ZNF777: variants seen among roughly 807,000 people sequenced by gnomAD.
ZNF777 encodes zinc finger protein 777.
A neutral mutation model predicts 72.1 loss-of-function variants in ZNF777; 7 were observed. The ratio of observed to expected loss-of-function variants is 0.10; its 90% CI spans 0.06 to 0.18. ZNF777 has a LOEUF of 0.18. Among genes scored for constraint, ZNF777 ranks in the 10% least tolerant of loss-of-function variants. The probability of loss-of-function intolerance (pLI) is 1.00; values close to 1 mark genes in which losing one functional copy is unlikely to be tolerated. For missense variants in ZNF777, 828 were observed against 1,128.6 expected, an observed-to-expected ratio of 0.73 and a Z score of 3.82; for synonymous variants, 545 against 483.5, an observed-to-expected ratio of 1.13 and a Z score of -1.67.
intron 5 of ZNF777, among the ~76,000 whole-genome samples, chr7:149,435,791 G>T (rs1378313349): frequency 1.3e-5 from 2 of 152,008 alleles, no homozygotes; most frequent in African/African-American, 4.8e-5. Context: ...AGCAAAAGCT[G>T]CCCAGTTCAT....
intron 1 of ZNF777, chr7:149,459,802 C>G (rs1267316576): frequency 2.4e-5 from 24 of 984,878 alleles, no homozygotes; most frequent in South Asian, 4.7e-5. Context: ...GAAAACGTGC[C>G]GGCGGCTACC....
chr7:149,455,901 T>C lies in ZNF777; in HGVS notation c.122A>G (p.Lys41Arg), dbSNP rs760326138. 4 of 1,612,636 alleles carry C rather than the reference T, an allele frequency of 2.5e-6. No homozygotes were observed. Among genetic ancestry groups the C allele is most frequent in the Middle Eastern group, 3.3e-4 (2 of 6,060 alleles). The change falls in exon 2 of 6, where the codon AAA becomes AGA. Residue 41 changes from lysine (K) to arginine (R), a missense_variant. Physicochemically the swap from Lys to Arg is conservative, Grantham distance 26. Transcript: ENST00000247930. This position sits in a 1 kb window ranked among gnomAD's most constrained non-coding sequence, Gnocchi z 4.2. ...GGTGGGAGACAAAGAAGGAATTTCTTTGGGAGGAAGAACGCGGGATTGGAA... is the reference window on the plus strand; with the variant it reads ...GGTGGGAGACAAAGAAGGAATTTCTCTGGGAGGAAGAACGCGGGATTGGAA... ...TLFQSRVLPP[K>R]EIPSLSPTIP...
chr7:149,453,640 G>C (rs1225826252), intron 3 of ZNF777, among the ~76,000 whole-genome samples: 1 of 152,180 alleles, frequency 6.6e-6, no homozygotes, highest in Non-Finnish European at 1.5e-5. Context: ...ACAGGAGTGT[G>C]AACACCTGTC....
intron 1 of ZNF777, among the ~76,000 whole-genome samples, chr7:149,456,485 G>A (rs560517318): frequency 5.3e-5 from 8 of 152,310 alleles, no homozygotes. Context: ...CACACTACCT[G>A]AGTTGTTGAA....
chr7:149,440,922 G>T (rs953685087), intron 4 of ZNF777, among the ~76,000 whole-genome samples: 2 of 151,960 alleles, frequency 1.3e-5, no homozygotes, highest in Non-Finnish European at 2.9e-5. Context: ...GACCCAACTC[G>T]GGTGTCCACC....
intron 4 of ZNF777, among the ~76,000 whole-genome samples, chr7:149,447,134 A>G (rs1416354667): frequency 6.6e-6 from 1 of 152,196 alleles, no homozygotes; most frequent in East Asian, 1.9e-4. Flanking sequence ...AAGCTAAAAA[A>G]TACTAACATC....
At position 149,432,321 on chromosome 7, in the gene ZNF777, G is replaced by A. The variant is rs1210985666; in HGVS notation, c.1951C>T (p.Leu651=). The A allele has an allele frequency of 1.9e-6, 3 of 1,610,342 alleles. No individual in the cohort carries two copies. The highest frequency in any genetic ancestry group is 2.5e-6 in the Non-Finnish European group (3 of 1,179,046). ...CDSSFSHKSS[L]TKHQITHTGE... is the part of the protein sequence containing the mutation. Reference sequence around the variant, plus strand: ...GTGTGCGTGATCTGGTGTTTGGTCAGGCTGGACTTGTGGCTGAAGCTGCTG... The same window carrying A: ...GTGTGCGTGATCTGGTGTTTGGTCAAGCTGGACTTGTGGCTGAAGCTGCTG... The change falls in exon 6 of 6, where the codon CTG becomes TTG. Residue 651 remains leucine (L), a synonymous_variant. Coordinates refer to ENST00000247930, the MANE Select transcript of ZNF777 (RefSeq NM_015694.3).
At chr7:149,441,532 A>G (rs1178304029) in intron 4 of ZNF777, among the ~76,000 whole-genome samples, 2 of 152,186 alleles carry the variant, frequency 1.3e-5, no homozygotes, top group Non-Finnish European at 2.9e-5. Context: ...TCAACTATAA[A>G]TTTTGCTATA....
chr7:149,437,212 A>G (rs1011632920), intron 4 of ZNF777, among the ~76,000 whole-genome samples: 11 of 152,160 alleles, frequency 7.2e-5, no homozygotes, highest in Admixed American at 3.3e-4. Flanking sequence ...CTGGGCTTAC[A>G]TGATCCTCCC....
chr7:149,453,897 G>C (rs1799772410), intron 3 of ZNF777, among the ~76,000 whole-genome samples: 1 of 152,250 alleles, frequency 6.6e-6, no homozygotes, highest in African/African-American at 2.4e-5. Context: ...GCTTCTCTGA[G>C]AGTGGGGTCT....
Position 149,436,565 on chromosome 7 carries a change from C to T in ZNF777, c.1339+10G>A. ...CAACCCTTCCCCGGCCGTCCCCGCC[C>T]AGCACTCACCCGTGCAGTTCCTCTG... is the stretch of plus-strand genomic sequence containing the variant. On this transcript the variant is annotated intron_variant, in intron 5 of 5. Coordinates refer to ENST00000247930, the MANE Select transcript of ZNF777 (RefSeq NM_015694.3). This position sits in a 1 kb window ranked among gnomAD's most constrained non-coding sequence, Gnocchi z 5.0. 2 of 1,587,224 alleles carry T rather than the reference C, an allele frequency of 1.3e-6. No individual in the cohort carries two copies. The highest frequency in any genetic ancestry group is 1.7e-6 in the Non-Finnish European group (2 of 1,164,180).
intron 4 of ZNF777, among the ~76,000 whole-genome samples, chr7:149,442,618 T>TAA (rs552079135): frequency 2.4e-5 from 3 of 125,944 alleles, no homozygotes; most frequent in African/African-American, 3.0e-5. Flanking sequence ...AGACTCTGTC[T>TAA]AAAAAAAAAA....
Position 149,431,453 on chromosome 7 carries a change from C to T in ZNF777, c.*323G>A, listed in dbSNP as rs1184578130. The T allele has an allele frequency of 4.5e-6, 2 of 444,460 alleles. No homozygotes were observed. Among genetic ancestry groups the T allele is most frequent in the Non-Finnish European group, 9.0e-6 (2 of 221,810 alleles). 27.5% of individuals were successfully genotyped at this position (444,460 alleles called of 1,614,324 possible). A position where few individuals can be genotyped will look rare whatever the true frequency, so the allele number is the denominator to read the frequency against. On this transcript the variant is annotated 3_prime_UTR_variant, in exon 6 of 6. Transcript: ENST00000247930. ...TCTATCCCCAACTAGATGGGCCCTA[C>T]ACCGCCCCTCTGAGTGGCCGGCGGC...
At chr7:149,442,471 T>C (rs916241175) in intron 4 of ZNF777, among the ~76,000 whole-genome samples, 1 of 150,214 alleles carries the variant, frequency 6.7e-6, no homozygotes, top group African/African-American at 2.5e-5. Context: ...TACAAAAAAA[T>C]TAGCCATGCA....
chr7:149,444,031 T>G (rs1421895719), intron 4 of ZNF777, among the ~76,000 whole-genome samples: 2 of 152,228 alleles, frequency 1.3e-5, no homozygotes, highest in African/African-American at 4.8e-5. Flanking sequence ...ATATTGCTAC[T>G]CCTTGAGTTT....
At chr7:149,447,517 G>A (rs1230704371) in intron 4 of ZNF777, among the ~76,000 whole-genome samples, 1 of 152,142 alleles carries the variant, frequency 6.6e-6, no homozygotes, top group Non-Finnish European at 1.5e-5. Context: ...CACCTCCCCA[G>A]CCCTCCTATT....
rs1465366746 is a variant in ZNF777 at position 149,455,711 on chromosome 7, C to T, written c.312G>A (p.Gln104=). The part of the protein sequence containing the change: ...QGPLASQEGT[Q]YPPPAAAEQE... ...GTTCAGCAGCAGCTGGGGGTGGATACTGGGTCCCTTCCTGGGAAGCCAGGG... is the reference window on the plus strand; with the variant it reads ...GTTCAGCAGCAGCTGGGGGTGGATATTGGGTCCCTTCCTGGGAAGCCAGGG... The change falls in exon 2 of 6, where the codon CAG becomes CAA. Residue 104 remains glutamine, a synonymous_variant. Coordinates refer to ENST00000247930, the MANE Select transcript of ZNF777 (RefSeq NM_015694.3). This position sits in a 1 kb window ranked among gnomAD's most constrained non-coding sequence, Gnocchi z 4.2. 3.2e-6 allele frequency: 5 copies of T among 1,576,742 alleles called. No homozygotes were observed. Among genetic ancestry groups the T allele is most frequent in the Middle Eastern group, 1.7e-4 (1 of 5,828 alleles).
intron 1 of ZNF777, among the ~76,000 whole-genome samples, chr7:149,458,655 C>G (rs1209636230): frequency 6.6e-6 from 1 of 152,234 alleles, no homozygotes; most frequent in Non-Finnish European, 1.5e-5. Flanking sequence ...CTGTCTCTCT[C>G]CATTTCCGGA....
chr7:149,455,526 A>T lies in ZNF777; in HGVS notation c.497T>A (p.Phe166Tyr), dbSNP rs1317677679. Residue 166 changes from phenylalanine (F) to tyrosine (Y), a missense_variant, in exon 2 of 6, where the codon TTC becomes TAC. Coordinates refer to ENST00000247930, the MANE Select transcript of ZNF777 (RefSeq NM_015694.3). The surrounding 1 kb of genome is among the most constrained non-coding windows in gnomAD (Gnocchi z 4.2). ...QSPVSQKDTP[F>Y]QISSAVQKEQ... ...CTTCTGGACTGCAGAAGAGATCTGG[A>T]AAGGGGTGTCCTTTTGGGAAACCGG... 1.9e-6 allele frequency: 3 copies of T among 1,613,820 alleles called. No homozygotes were observed. In the African/African-American group the frequency reaches 4.0e-5, roughly 22 times the overall value.
Sources: allele counts gnomAD v4.1 joint callset (sites outside exome capture counted in the v4.1 genomes callset), GRCh38; gene constraint gnomAD v4.1.1; non-coding constraint Gnocchi (gnomAD v3.1); transcripts MANE v1.5; gene names NCBI Gene and HGNC (gene_info 2026-07-23, HGNC 2026-07-21).